Variants in GAB3 observed in about 807,000 individuals in gnomAD.
GAB3 encodes the protein GRB2-associated-binding protein 3.
GAB3 carries 12 observed loss-of-function variants against 40.4 expected under a neutral mutation model. That is an observed-to-expected ratio of 0.30 (90% CI 0.19 to 0.48). GAB3 has a LOEUF of 0.48. Among genes scored for constraint, GAB3 ranks in the 20% least tolerant of loss-of-function variants. GAB3 has a pLI of 0.99. For synonymous variants in GAB3, 154 were observed against 176.7 expected (o/e 0.87, Z 1.02); for missense variants, 381 against 461.9 (o/e 0.82, Z 1.61).
chrX:154,698,820 G>A (rs974223639), intron 6 of GAB3, among the ~76,000 whole-genome samples: 8 of 111,971 alleles, frequency 7.1e-5, no homozygotes, highest in Non-Finnish European at 1.3e-4. Flanking sequence ...CTCTGCTGAC[G>A]GGCATGCACA....
At position 154,677,863 on chromosome X, in the gene GAB3, T is replaced by C; in HGVS notation, c.*315A>G. On this transcript the variant is annotated 3_prime_UTR_variant, in exon 10 of 10. Transcript: ENST00000424127. ...AGGAGAGAAGTCAGAATTTCAGGTATTGGAGTCAAACGATAAAATCCTGTT... is the reference window on the plus strand; with the variant it reads ...AGGAGAGAAGTCAGAATTTCAGGTACTGGAGTCAAACGATAAAATCCTGTT... 1 of 290,193 alleles carries C rather than the reference T, an allele frequency of 3.4e-6. No individual in the cohort carries two copies. The highest frequency in any genetic ancestry group is 6.0e-6 in the Non-Finnish European group (1 of 166,516). 23.9% of individuals were successfully genotyped at this position (290,193 alleles called of 1,213,427 possible). A position where few individuals can be genotyped will look rare whatever the true frequency, so the allele number is the denominator to read the frequency against.
Position 154,716,210 on chromosome X carries a change from C to A in GAB3, c.192G>T (p.Glu64Asp), listed in dbSNP as rs2148461080. ...GGCCCACATGCTTCCACACTGCACA[C>A]TCGCTGAGGTCTATCACCCGGATGG... ...SKPIRVIDLS[E>D]CAVWKHVGPS... Residue 64 changes from glutamate (E) to aspartate (D), a missense_variant, in exon 2 of 10, where the codon GAG becomes GAT. Physicochemically the swap from Glu to Asp is conservative, Grantham distance 45. Around this residue, in one of 2 missense-constraint regions of GAB3, gnomAD observed 364 missense variants for 421.0 expected, o/e 0.86. Transcript: ENST00000424127. 1 of 1,212,581 alleles carries A rather than the reference C, an allele frequency of 8.2e-7. No individual in the cohort carries two copies. Among genetic ancestry groups the A allele is most frequent in the Non-Finnish European group, 1.1e-6 (1 of 895,617 alleles).
At chrX:154,678,323 T>A (rs1557246082) in intron 9 of GAB3, 29 bp from the exon 10 acceptor site, 2 of 750,770 alleles carry the variant, frequency 2.7e-6, no homozygotes, top group African/African-American at 4.2e-5. Context: ...AAGGTTTTCA[T>A]TACATCTAAC....
At chrX:154,694,766 C>T (rs1047502244) in intron 8 of GAB3, among the ~76,000 whole-genome samples, 23 of 111,917 alleles carry the variant, frequency 2.1e-4, no homozygotes, top group Admixed American at 6.6e-4. Context: ...GTACTTGCTT[C>T]CATTGGGTTT....
Position 154,706,758 on chromosome X carries a change from A to AT in GAB3, c.1069+5470dup, listed in dbSNP as rs56993080. On this transcript the variant is annotated intron_variant, in intron 4 of 9. Coordinates refer to ENST00000424127, the MANE Select transcript of GAB3 (RefSeq NM_001081573.3). ...CAAGACCCTGCCTCTAAAAAAAAAA[A>AT]TTTTTTTTCAAATTAGTCAAGTGTG... Among the ~76,000 whole-genome samples, 4 of 108,655 alleles carry AT rather than the reference A, an allele frequency of 3.7e-5. No individual in the cohort carries two copies. The East Asian group carries it at 8.7e-4, about 24-fold the overall frequency. 94.4% of individuals were successfully genotyped at this position (108,655 alleles called of 115,157 possible).
At chrX:154,696,819 T>C (rs2070665106) in intron 7 of GAB3, among the ~76,000 whole-genome samples, 1 of 112,445 alleles carries the variant, frequency 8.9e-6, no homozygotes, top group African/African-American at 3.2e-5. Flanking sequence ...ACAGCTATCT[T>C]TGACCATGAG....
intron 5 of GAB3, among the ~76,000 whole-genome samples, 153 bp from the exon 6 acceptor site, chrX:154,699,666 G>T (rs1557251726): frequency 8.9e-6 from 1 of 112,554 alleles, no homozygotes; most frequent in Non-Finnish European, 1.9e-5. Context: ...TCTAGCTCAA[G>T]TTCTGCCTCT....
At chrX:154,747,786 A>C (rs782238884) in intron 1 of GAB3, among the ~76,000 whole-genome samples, 3 of 112,685 alleles carry the variant, frequency 2.7e-5, no homozygotes, top group Non-Finnish European at 5.6e-5. Context: ...GTTAGATTTA[A>C]CATTAAATCC....
rs1336437330 is a variant in GAB3 at position 154,751,030 on chromosome X, G to A, written c.-5C>T. 1.3e-6 allele frequency: 1 copy of A among 793,591 alleles called. No individual in the cohort carries two copies. The allele number at this position is 793,591 out of a possible 1,213,427, so 65.4% of individuals were successfully genotyped here. A position where few individuals can be genotyped will look rare whatever the true frequency, so the allele number is the denominator to read the frequency against. Reference sequence around the variant, plus strand: ...CACTGCGTCGCCCGCACTCATCGTGGCCGCCGCCGCCGCTTCCTCCAGCTG... The same window carrying A: ...CACTGCGTCGCCCGCACTCATCGTGACCGCCGCCGCCGCTTCCTCCAGCTG... On this transcript the variant is annotated 5_prime_UTR_variant, in exon 1 of 10. Coordinates refer to ENST00000424127, the MANE Select transcript of GAB3 (RefSeq NM_001081573.3).
At chrX:154,710,037 T>A (rs1166356341) in intron 4 of GAB3, among the ~76,000 whole-genome samples, 1 of 111,259 alleles carries the variant, frequency 9.0e-6, no homozygotes, top group Non-Finnish European at 1.9e-5. Flanking sequence ...TGGCCATGGA[T>A]GTGTTAATTA....
At chrX:154,727,964 G>A (rs981426805) in intron 1 of GAB3, among the ~76,000 whole-genome samples, 8 of 111,738 alleles carry the variant, frequency 7.2e-5, no homozygotes, top group South Asian at 3.8e-4. Flanking sequence ...GAAGTGGCCC[G>A]CCTGGATTGT....
In GAB3 at chrX:154,694,200, T is replaced by C. The variant is rs374303392; in HGVS notation, c.1530+1717A>G. Among the ~76,000 whole-genome samples the C allele has an allele frequency of 1.3e-4, 15 of 111,829 alleles. No homozygotes were observed. The East Asian group carries it at 3.9e-3, about 29-fold the overall frequency. ...TTTAAAAAAACACAATTGAACAAGATGGGATAGCCTTTAAACATTTTTATA... is the reference window on the plus strand; with the variant it reads ...TTTAAAAAAACACAATTGAACAAGACGGGATAGCCTTTAAACATTTTTATA... On this transcript the variant is annotated intron_variant, in intron 8 of 9. Transcript: ENST00000424127.
chrX:154,703,108 T>G (rs1027836754), intron 4 of GAB3, among the ~76,000 whole-genome samples: 3 of 111,983 alleles, frequency 2.7e-5, no homozygotes, highest in Non-Finnish European at 5.6e-5. Flanking sequence ...CTCAAAGACC[T>G]AAAAACAGAA....
At chrX:154,699,904 G>T in intron 5 of GAB3, 100 bp downstream of exon 5, 1 of 690,929 alleles carries the variant, frequency 1.4e-6, no homozygotes, top group Non-Finnish European at 2.3e-6. Flanking sequence ...ATTCCTCAGA[G>T]ACTCAGAGTG....
chrX:154,718,792 G>A (rs1218783917), intron 1 of GAB3, among the ~76,000 whole-genome samples: 2 of 111,862 alleles, frequency 1.8e-5, no homozygotes, highest in Admixed American at 9.4e-5. Context: ...CACTTTGGTG[G>A]GGGAAATGTA....
At chrX:154,678,729 T>C (rs1390959948) in intron 9 of GAB3, among the ~76,000 whole-genome samples, 2 of 112,071 alleles carry the variant, frequency 1.8e-5, no homozygotes, top group African/African-American at 6.5e-5. Flanking sequence ...AGAGATCTGA[T>C]AGTTTTATAA....
chrX:154,681,671 T>C (rs2070376258), intron 8 of GAB3, among the ~76,000 whole-genome samples: 1 of 111,678 alleles, frequency 9.0e-6, no homozygotes. Context: ...GCTTACATTA[T>C]GTTTAAGGAA....
chrX:154,712,250 C>T lies in GAB3; in HGVS notation c.1048G>A (p.Asp350Asn), dbSNP rs1557256199. ...VPRRISLSGL[D>N]NMRTWKADVE... Reference sequence around the variant, plus strand: ...TTACCTTTCCAGGTTCTCATGTTGTCTAAACCAGAGAGGGAGATTCTTCTT... The same window carrying T: ...TTACCTTTCCAGGTTCTCATGTTGTTTAAACCAGAGAGGGAGATTCTTCTT... The change falls in exon 4 of 10, where the codon GAC becomes AAC. Residue 350 changes from aspartate (D) to asparagine (N), a missense_variant. Around this residue, in one of 2 missense-constraint regions of GAB3, gnomAD observed 364 missense variants for 421.0 expected, o/e 0.86. Coordinates refer to ENST00000424127, the MANE Select transcript of GAB3 (RefSeq NM_001081573.3). 9 of 1,198,625 alleles carry T rather than the reference C, an allele frequency of 7.5e-6. No homozygotes were observed. Among genetic ancestry groups the T allele is most frequent in the Non-Finnish European group, 1.0e-5 (9 of 887,378 alleles).
At chrX:154,732,308 G>A (rs1006046769) in intron 1 of GAB3, among the ~76,000 whole-genome samples, 2 of 111,389 alleles carry the variant, frequency 1.8e-5, no homozygotes, top group Admixed American at 9.5e-5. Context: ...ACATGAATTT[G>A]GAAAGCATTC....
Sources: gnomAD v4.1 joint callset for allele counts (sites outside exome capture counted in the v4.1 genomes callset) on GRCh38, gnomAD v4.1.1 for gene constraint, gnomAD v4.1.1 regional missense constraint, MANE v1.5 for transcripts, NCBI Gene and HGNC (gene_info 2026-07-23, HGNC 2026-07-21) for gene names.